TRIM65: variants seen among roughly 807,000 people sequenced by gnomAD.
The protein encoded by TRIM65 is tripartite motif containing 65.
In TRIM65, 46 loss-of-function variants were observed where a neutral mutation model predicts 36.1. The observed-to-expected ratio is 1.27, with a 90% CI of 1.01 to 1.63. TRIM65 has a LOEUF of 1.63. Among genes scored for constraint, TRIM65 ranks in the 40% most tolerant of loss-of-function variants. The probability of loss-of-function intolerance (pLI) is 0.00; values close to 1 mark genes in which losing one functional copy is unlikely to be tolerated. For missense variants in TRIM65, 708 were observed against 696.6 expected, an observed-to-expected ratio of 1.02 and a Z score of -0.18; for synonymous variants, 346 against 313.6, an observed-to-expected ratio of 1.10 and a Z score of -1.09.
Position 75,896,765 on chromosome 17 carries a change from G to A in TRIM65, c.173C>T (p.Ala58Val). 1 of 1,493,722 alleles carries A rather than the reference G, an allele frequency of 6.7e-7. No homozygotes were observed. The highest frequency in any genetic ancestry group is 8.9e-7 in the Non-Finnish European group (1 of 1,126,574). The allele number at this position is 1,493,722 out of a possible 1,614,324, so 92.5% of individuals were successfully genotyped here. ...GAGGGCCACGTTGCGGCGCAGCTCG[G>A]CGCCGTCGGGAAAGGGCTCCCGGCA... The part of the protein sequence containing the change: ...PECREPFPDG[A>V]ELRRNVALSG... The change falls in exon 1 of 6, where the codon GCC (alanine) becomes GTC (valine). Residue 58 changes from alanine to valine, a missense_variant. By Grantham distance (64) the Ala-to-Val change is moderately conservative. Coordinates refer to ENST00000269383, the MANE Select transcript of TRIM65 (RefSeq NM_173547.4).
chr17:75,884,270 C>T (rs546656636), downstream of TRIM65, among the ~76,000 whole-genome samples: 1 of 152,204 alleles, frequency 6.6e-6, no homozygotes, highest in Non-Finnish European at 1.5e-5. Flanking sequence ...CCAGCCTAAC[C>T]AACATGGAGA....
chr17:75,888,608 G>A (rs2065228366), downstream of TRIM65, among the ~76,000 whole-genome samples: 1 of 152,330 alleles, frequency 6.6e-6, no homozygotes, highest in East Asian at 1.9e-4. Context: ...AGCAATGACA[G>A]CCATCTGGCC....
downstream of TRIM65, among the ~76,000 whole-genome samples, chr17:75,884,186 G>A (rs901191135): frequency 6.6e-6 from 1 of 152,002 alleles, no homozygotes; most frequent in African/African-American, 2.4e-5. Context: ...GGTCAGGCGC[G>A]GTGGCTCGCG....
rs1178503572 is a variant in TRIM65 at position 75,896,644 on chromosome 17, G to C, written c.294C>G (p.His98Gln). The C allele has an allele frequency of 4.0e-6, 5 of 1,241,772 alleles. No individual in the cohort carries two copies. In the East Asian group the frequency reaches 1.6e-4, roughly 40 times the overall value. 76.9% of individuals were successfully genotyped at this position (1,241,772 alleles called of 1,614,324 possible). A position where few individuals can be genotyped will look rare whatever the true frequency, so the allele number is the denominator to read the frequency against. Residue 98 changes from histidine to glutamine, a missense_variant, in exon 1 of 6, where the codon CAC becomes CAG. Physicochemically the swap from His to Gln is conservative, Grantham distance 24. Transcript: ENST00000269383. ...GGCAGAAGAGCTCCAGCGGCCGCCC[G>C]TGGCGGGGGCAGCGCGCGGCAGGGT... is the stretch of plus-strand genomic sequence containing the variant. ...GPDPAARCPR[H>Q]GRPLELFCRT...
intron 4 of TRIM65, chr17:75,880,632 A>G (rs1391140502): frequency 6.6e-6 from 1 of 150,718 alleles, no homozygotes; most frequent in African/African-American, 2.5e-5. Flanking sequence ...GATTCAACCT[A>G]TAACAGTGCA....
In TRIM65 at chr17:75,891,113, C is replaced by T. The variant is rs1567843365; in HGVS notation, c.1220G>A (p.Cys407Tyr). The change falls in exon 6 of 6, where the codon TGC becomes TAC. Residue 407 changes from cysteine (C) to tyrosine (Y), a missense_variant. By Grantham distance (194) the Cys-to-Tyr change is radical. Coordinates refer to ENST00000269383, the MANE Select transcript of TRIM65 (RefSeq NM_173547.4). ...LGVSYPQLPR[C>Y]RLGPHTDNIG... ...GTTGTCTGTGTGGGGCCCCAGCCTG[C>T]ACCGTGGCAGTTGCGGGTAGGAGAC... 1 of 1,609,318 alleles carries T rather than the reference C, an allele frequency of 6.2e-7. No individual in the cohort carries two copies.
chr17:75,887,014 G>A (rs1404485963), downstream of TRIM65, among the ~76,000 whole-genome samples: 2 of 151,854 alleles, frequency 1.3e-5, no homozygotes, highest in African/African-American at 2.4e-5. Flanking sequence ...AAAATTAGCT[G>A]GGCGAGGTGG....
chr17:75,891,996 T>G lies in TRIM65; in HGVS notation c.919+15A>C. The G allele has an allele frequency of 6.4e-7, 1 of 1,551,786 alleles. No individual in the cohort carries two copies. On this transcript the variant is annotated intron_variant, in intron 4 of 5. Coordinates refer to ENST00000269383, the MANE Select transcript of TRIM65 (RefSeq NM_173547.4). The stretch of plus-strand genomic sequence containing the variant: ...GGACCCAGGACAGCAGGGGGAGGCC[T>G]GGGGTCAGTCTTACCCACGGGGGCT...
In TRIM65 at chr17:75,896,665, AGGGTCGGGGCCGGGGCCG is replaced by A. The variant is rs1034266444; in HGVS notation, c.255_272del (p.Gly86_Pro91del). 4.8e-6 allele frequency: 6 copies of A among 1,249,374 alleles called. No homozygotes were observed. Among genetic ancestry groups the A allele is most frequent in the Non-Finnish European group, 6.0e-6 (6 of 1,001,722 alleles). 77.4% of individuals were successfully genotyped at this position (1,249,374 alleles called of 1,614,324 possible). A position where few individuals can be genotyped will look rare whatever the true frequency, so the allele number is the denominator to read the frequency against. On this transcript the variant is annotated inframe_deletion, in exon 1 of 6. Coordinates refer to ENST00000269383, the MANE Select transcript of TRIM65 (RefSeq NM_173547.4). ...GCCCGTGGCGGGGGCAGCGCGCGGC[AGGGTCGGGGCCGGGGCCG>A]GGATCGGGGCCGGGATCCCGGGCGG...
intron 5 of TRIM65, 138 bp downstream of exon 5, chr17:75,891,675 G>A (rs761774361): frequency 3.3e-5 from 38 of 1,159,958 alleles, no homozygotes; most frequent in Non-Finnish European, 4.2e-5. Context: ...CAGATGTCCC[G>A]GCAGGACAGT....
chr17:75,882,614 T>C (rs991256180), intron 4 of TRIM65, among the ~76,000 whole-genome samples: 2 of 150,692 alleles, frequency 1.3e-5, no homozygotes, highest in African/African-American at 5.0e-5. Flanking sequence ...CAAGGGTAAC[T>C]GGCACCATGT....
Position 75,890,498 on chromosome 17 carries a change from C to G in TRIM65, c.*281G>C. ...CACGCTGTCCTGTAAGCCCAGAAGT[C>G]CCCTGGGCACTGCTCTCGCCTCCCA... On this transcript the variant is annotated 3_prime_UTR_variant, in exon 6 of 6. Coordinates refer to ENST00000269383, the MANE Select transcript of TRIM65 (RefSeq NM_173547.4). The G allele has an allele frequency of 3.0e-6, 1 of 331,004 alleles. No homozygotes were observed. The highest frequency in any genetic ancestry group is 5.4e-6 in the Non-Finnish European group (1 of 184,676). 20.5% of individuals were successfully genotyped at this position (331,004 alleles called of 1,614,324 possible).
At chr17:75,891,778 A>T (rs1356706785) in intron 5 of TRIM65, 35 bp downstream of exon 5, 3 of 1,592,016 alleles carry the variant, frequency 1.9e-6, no homozygotes, top group South Asian at 2.3e-5. Context: ...GCACACGCAC[A>T]CACAGGGGCA....
At chr17:75,879,789 T>G (rs750347532), downstream of TRIM65, among the ~76,000 whole-genome samples, 13 of 150,964 alleles carry the variant, frequency 8.6e-5, no homozygotes, top group Non-Finnish European at 1.6e-4. Context: ...GTTTCGCTCT[T>G]GTCGCCCAGG....
At chr17:75,884,529 C>T (rs2065192473), downstream of TRIM65, among the ~76,000 whole-genome samples, 1 of 152,220 alleles carries the variant, frequency 6.6e-6, no homozygotes, top group South Asian at 2.1e-4. Flanking sequence ...ACTGACTCCC[C>T]ATGGACAACC....
rs919950119 is a variant in TRIM65 at position 75,896,691 on chromosome 17, G to C, written c.247C>G (p.Pro83Ala). Reference protein sequence around the residue: ...VRAGPARDPGPDPGPGPDPAA... With the variant: ...VRAGPARDPGADPGPGPDPAA... ...GGGTCGGGGCCGGGGCCGGGATCGG[G>C]GCCGGGATCCCGGGCGGGCCCGGCG... The change falls in exon 1 of 6, where the codon CCC (proline) becomes GCC (alanine). Residue 83 changes from proline (P) to alanine (A), a missense_variant. By Grantham distance (27) the Pro-to-Ala change is conservative (BLOSUM62 -1). Coordinates refer to ENST00000269383, the MANE Select transcript of TRIM65 (RefSeq NM_173547.4). The C allele has an allele frequency of 8.3e-6, 11 of 1,320,240 alleles. No homozygotes were observed. The highest frequency in any genetic ancestry group is 1.5e-5 in the African/African-American group (1 of 65,064). The allele number at this position is 1,320,240 out of a possible 1,614,324, so 81.8% of individuals were successfully genotyped here. A position where few individuals can be genotyped will look rare whatever the true frequency, so the allele number is the denominator to read the frequency against.
chr17:75,888,016 C>T (rs1314580237), downstream of TRIM65, among the ~76,000 whole-genome samples: 1 of 152,018 alleles, frequency 6.6e-6, no homozygotes, highest in South Asian at 2.1e-4. Context: ...GTTAGCTGGG[C>T]GTGGTGGCAG....
chr17:75,886,123 G>A (rs189795112), downstream of TRIM65, among the ~76,000 whole-genome samples: 186 of 152,220 alleles, frequency 1.2e-3, no homozygotes, highest in Non-Finnish European at 2.2e-3. Flanking sequence ...GCCTGCACAC[G>A]CTTTCCTTGC....
chr17:75,883,776 C>T (rs1339494159), intron 4 of TRIM65, among the ~76,000 whole-genome samples: 1 of 151,820 alleles, frequency 6.6e-6, no homozygotes, highest in African/African-American at 2.4e-5. Context: ...ATCCACCCGC[C>T]TCGGCCTCCC....
Sources: gnomAD v4.1 joint callset for allele counts (sites outside exome capture counted in the v4.1 genomes callset) on GRCh38, gnomAD v4.1.1 for gene constraint, MANE v1.5 for transcripts, NCBI Gene and HGNC (gene_info 2026-07-23, HGNC 2026-07-21) for gene names.